UAP1: variants seen among roughly 807,000 people sequenced by gnomAD.
UAP1 encodes the protein UDP-N-acetylhexosamine pyrophosphorylase.
In UAP1, 25 loss-of-function variants were observed where a neutral mutation model predicts 58.5. The observed-to-expected ratio is 0.43, with a 90% CI of 0.31 to 0.60. The LOEUF is 0.60. UAP1 is among the 20% of genes least tolerant of loss of function. UAP1 has a pLI of 0.11. For missense variants in UAP1, 575 were observed against 630.0 expected, an observed-to-expected ratio of 0.91 and a Z score of 0.93; for synonymous variants, 208 against 213.0, an observed-to-expected ratio of 0.98 and a Z score of 0.21.
At chr1:162,581,501 G>A in intron 5 of UAP1, 42 bp downstream of exon 5, 3 of 1,586,460 alleles carry the variant, frequency 1.9e-6, no homozygotes, top group Middle Eastern at 3.4e-4. Flanking sequence ...TGATGGTCTT[G>A]CTCTGTCATA....
chr1:162,567,957 G>C (rs1225796449), intron 2 of UAP1, among the ~76,000 whole-genome samples: 1 of 151,942 alleles, frequency 6.6e-6, no homozygotes, highest in Non-Finnish European at 1.5e-5. Context: ...CACCATGCCC[G>C]GCTAAGTTTT....
At chr1:162,581,643 T>C (rs1202230942) in intron 5 of UAP1, among the ~76,000 whole-genome samples, 184 bp downstream of exon 5, 2 of 152,202 alleles carry the variant, frequency 1.3e-5, no homozygotes, top group African/African-American at 4.8e-5. Context: ...ATTCTAGATG[T>C]AATGTTGTAT....
At chr1:162,573,047 G>A (rs1557967479) in intron 2 of UAP1, among the ~76,000 whole-genome samples, 1 of 152,082 alleles carries the variant, frequency 6.6e-6, no homozygotes, top group African/African-American at 2.4e-5. Context: ...ATAATTCAGG[G>A]AATAACCAAA....
intron 2 of UAP1, among the ~76,000 whole-genome samples, chr1:162,573,103 A>C (rs76826231): frequency 6.6e-6 from 1 of 152,190 alleles, no homozygotes; most frequent in South Asian, 2.1e-4. Context: ...TGTTCCCTTT[A>C]AATTTCTTCA....
chr1:162,581,256 T>A (rs1557972444), intron 4 of UAP1, 31 bp from the exon 5 acceptor site: 1 of 1,577,030 alleles, frequency 6.3e-7, no homozygotes, highest in Middle Eastern at 1.7e-4. Context: ...TGGATTTTGA[T>A]ATGCTACTAA....
At chr1:162,589,165 AT>A (rs1557977435) in intron 7 of UAP1, among the ~76,000 whole-genome samples, 5 of 103,548 alleles carry the variant, frequency 4.8e-5, no homozygotes, top group African/African-American at 2.0e-4. Context: ...ATTATATATA[AT>A]ATATAAATAT....
rs539332190 is a variant in UAP1 at position 162,580,207 on chromosome 1, A to G, written c.661+604A>G. Among the ~76,000 whole-genome samples, 11 of 152,346 alleles carry G rather than the reference A, an allele frequency of 7.2e-5. No homozygotes were observed. The East Asian group carries it at 2.1e-3, about 29-fold the overall frequency. On this transcript the variant is annotated intron_variant, in intron 4 of 10. Coordinates refer to ENST00000271469, the Ensembl canonical transcript of UAP1. ...TATGTATACTGCAATGTTCATGGCT[A>G]CATTGTTTATTATAGTGAAAACTTG...
At chr1:162,566,028 A>G (rs1372106613) in exon 2 of UAP1, 10 of 1,587,328 alleles carry the variant, frequency 6.3e-6, no homozygotes, top group Middle Eastern at 2.3e-4. Context: ...AGGTACATAC[A>G]TTACACCCCT....
chr1:162,583,848 T>C (rs56848330), intron 5 of UAP1, among the ~76,000 whole-genome samples: 1,919 of 151,738 alleles, frequency 0.013, 30 homozygotes, highest in East Asian at 0.051. Flanking sequence ...CTGTGTTGCC[T>C]AGGCTGGTCT....
chr1:162,595,669 A>G (rs1301362682), intron 9 of UAP1, among the ~76,000 whole-genome samples: 2 of 152,280 alleles, frequency 1.3e-5, no homozygotes, highest in Admixed American at 6.5e-5. Flanking sequence ...GTGCTGAAGT[A>G]TCTTATACAA....
At chr1:162,581,408 C>T (rs1167206764) in exon 5 of UAP1, 5 of 1,614,054 alleles carry the variant, frequency 3.1e-6, no homozygotes, top group African/African-American at 2.7e-5. Context: ...AAGTGGCAGA[C>T]CCACGGTTCA....
At chr1:162,593,903 C>T (rs1311929025) in intron 9 of UAP1, 1 of 152,122 alleles carries the variant, frequency 6.6e-6, no homozygotes, top group Non-Finnish European at 1.5e-5. Context: ...ATTCCTCTGC[C>T]CAGACAAATT....
chr1:162,590,131 A>G (rs1162770319), intron 7 of UAP1, among the ~76,000 whole-genome samples, 192 bp from the exon 8 acceptor site: 3 of 151,956 alleles, frequency 2.0e-5, no homozygotes, highest in Non-Finnish European at 4.4e-5. Flanking sequence ...TGAGGGGGGA[A>G]ATGATTTCTC....
At chr1:162,563,338 G>A (rs1653281990) in intron 1 of UAP1, among the ~76,000 whole-genome samples, 1 of 151,962 alleles carries the variant, frequency 6.6e-6, no homozygotes, top group African/African-American at 2.4e-5. Flanking sequence ...AGATATCAAA[G>A]TTTAACCTAT....
chr1:162,590,824 A>T (rs1243640622), intron 8 of UAP1, among the ~76,000 whole-genome samples: 1 of 151,054 alleles, frequency 6.6e-6, no homozygotes, highest in African/African-American at 2.4e-5. Context: ...TTGGTGTGCC[A>T]TATGGTTAAA....
At chr1:162,581,877 C>T (rs764369157) in intron 5 of UAP1, among the ~76,000 whole-genome samples, 7 of 152,128 alleles carry the variant, frequency 4.6e-5, no homozygotes, top group Non-Finnish European at 8.8e-5. Context: ...TTACGATGTT[C>T]TTTCGAATAA....
At chr1:162,587,287 A>C (rs991387027) in intron 5 of UAP1, among the ~76,000 whole-genome samples, 188 bp from the exon 6 acceptor site, 19 of 152,200 alleles carry the variant, frequency 1.2e-4, no homozygotes, top group Non-Finnish European at 1.0e-4. Context: ...AATATACCTC[A>C]TTTCCAGTTG....
intron 7 of UAP1, among the ~76,000 whole-genome samples, chr1:162,589,449 C>T (rs1190601450): frequency 1.3e-5 from 2 of 150,002 alleles, no homozygotes; most frequent in Non-Finnish European, 2.9e-5. Context: ...CACTACGCCC[C>T]GCCTTGGTCT....
At chr1:162,587,564 C>T in exon 6 of UAP1, 1 of 1,614,066 alleles carries the variant, frequency 6.2e-7, no homozygotes, top group Non-Finnish European at 8.5e-7. Context: ...GTGAGATTTC[C>T]CTGGCAACAG....
Sources: gnomAD v4.1 joint callset for allele counts (sites outside exome capture counted in the v4.1 genomes callset) on GRCh38, gnomAD v4.1.1 for gene constraint, MANE v1.5 for transcripts, NCBI Gene and HGNC (gene_info 2026-07-23, HGNC 2026-07-21) for gene names.